Variants in MYO16 observed in about 807,000 individuals in gnomAD.
MYO16 encodes myosin XVI, also known as unconventional myosin-XVI.
MYO16 carries 94 observed loss-of-function variants against 205.3 expected under a neutral mutation model. The ratio of observed to expected loss-of-function variants is 0.46; its 90% confidence interval spans 0.39 to 0.54. The LOEUF (loss-of-function observed/expected upper bound fraction) is 0.54, where lower values mean the gene tolerates loss of function less well. Among genes scored for constraint, MYO16 ranks in the 20% least tolerant of loss-of-function variants. The pLI, the probability that MYO16 is intolerant of heterozygous loss-of-function variation, is 0.00. For synonymous variants in MYO16, 988 were observed against 954.0 expected (o/e 1.04, Z -0.66); for missense variants, 2,315 against 2,387.5 (o/e 0.97, Z 0.63).
intron 4 of MYO16, among the ~76,000 whole-genome samples, chr13:108,765,171 T>G (rs1044727590): frequency 7.9e-5 from 12 of 152,192 alleles, no homozygotes; most frequent in African/African-American, 2.9e-4. Flanking sequence ...TATCCTTTCA[T>G]ATGCATTTTC....
intron 13 of MYO16, among the ~76,000 whole-genome samples, chr13:108,884,919 CAG>C (rs1386833361): frequency 6.6e-6 from 1 of 151,946 alleles, no homozygotes; most frequent in Admixed American, 6.5e-5. Flanking sequence ...GGCACTGAGA[CAG>C]GGGCTCTCAC....
the MYO16 span, among the ~76,000 whole-genome samples, chr13:108,544,832 A>T: frequency 6.6e-6 from 1 of 152,094 alleles, no homozygotes; most frequent in Non-Finnish European, 1.5e-5. Context: ...TTTCACAGTT[A>T]AGAGAGAACA....
At chr13:108,819,958 C>A (rs568403330) in intron 7 of MYO16, among the ~76,000 whole-genome samples, 10 of 152,088 alleles carry the variant, frequency 6.6e-5, no homozygotes, top group Admixed American at 3.9e-4. Flanking sequence ...TTGCCTTTCA[C>A]GTTTTAAAGT....
intron 4 of MYO16, among the ~76,000 whole-genome samples, chr13:108,728,575 C>T (rs1485994866): frequency 6.6e-6 from 1 of 152,118 alleles, no homozygotes; most frequent in Non-Finnish European, 1.5e-5. Flanking sequence ...TTACAGTGAC[C>T]CCTGCAGTCC....
intron 7 of MYO16, among the ~76,000 whole-genome samples, chr13:108,818,836 A>G (rs78524482): frequency 0.01 from 1,545 of 152,328 alleles, 16 homozygotes; most frequent in Non-Finnish European, 0.014. Context: ...AAAAAGCATA[A>G]TATAAAATCA....
chr13:108,505,182 G>T, the MYO16 span, among the ~76,000 whole-genome samples: 1 of 152,272 alleles, frequency 6.6e-6, no homozygotes, highest in South Asian at 2.1e-4. Flanking sequence ...AAAGAAGTAG[G>T]ATTCCTGGAT....
In MYO16 at chr13:109,140,971, G is replaced by A. The variant is rs757516424; in HGVS notation, c.4759G>A (p.Gly1587Ser). The change falls in exon 32 of 35, where the codon GGC becomes AGC. Residue 1587 changes from glycine (G) to serine (S), a missense_variant. By Grantham distance (56) the Gly-to-Ser change is moderately conservative. This residue lies in a region of MYO16 where 1,097 missense variants were observed against 1,092.0 expected (regional missense o/e 1.00). Coordinates refer to ENST00000457511, the MANE Select transcript of MYO16 (RefSeq NM_001198950.3). This position sits in a 1 kb window ranked among gnomAD's most constrained non-coding sequence, Gnocchi z 8.0. ...CGGCCTGGCGCTGTTCAACGGGTCC[G>A]GCCGAGCCTCCCCGCCGTCCACGCC... Reference protein sequence around the residue: ...SPGLALFNGSGRASPPSTPPP... With the variant: ...SPGLALFNGSSRASPPSTPPP... 3.5e-6 allele frequency: 5 copies of A among 1,440,682 alleles called. No homozygotes were observed. The highest frequency in any genetic ancestry group is 3.0e-5 in the East Asian group (1 of 33,042). 89.2% of individuals were successfully genotyped at this position (1,440,682 alleles called of 1,614,324 possible).
At chr13:108,984,259 C>A (rs766676519) in intron 20 of MYO16, among the ~76,000 whole-genome samples, 4 of 152,124 alleles carry the variant, frequency 2.6e-5, no homozygotes, top group Non-Finnish European at 2.9e-5. Context: ...ATTTTGAAGC[C>A]TGCAAATCAG....
At chr13:109,117,428 GTATATATATGTA>G (rs1019639795) in intron 28 of MYO16, among the ~76,000 whole-genome samples, 82 of 92,712 alleles carry the variant, frequency 8.8e-4, no homozygotes, top group East Asian at 2.3e-3. Context: ...ATGTATATGT[GTATATATATGTA>G]TATATATGTA....
At chr13:109,093,749 G>A (rs186901055) in intron 27 of MYO16, among the ~76,000 whole-genome samples, 4 of 152,162 alleles carry the variant, frequency 2.6e-5, no homozygotes, top group South Asian at 2.1e-4. Flanking sequence ...TACCTCTTCC[G>A]TCGCCATTGC....
chr13:108,699,642 A>G (rs535437847), intron 2 of MYO16, among the ~76,000 whole-genome samples: 4 of 152,174 alleles, frequency 2.6e-5, no homozygotes, highest in Middle Eastern at 3.2e-3. Flanking sequence ...TATAGAGTCA[A>G]TGATTTATAT....
chr13:108,898,156 T>C (rs1390260340), intron 15 of MYO16, 23 bp downstream of exon 15: 3 of 1,567,434 alleles, frequency 1.9e-6, no homozygotes, highest in Non-Finnish European at 2.6e-6. Context: ...TTTGACAACG[T>C]GGATTTCCTG....
At chr13:108,873,671 G>A (rs1879183385) in intron 12 of MYO16, among the ~76,000 whole-genome samples, 2 of 129,250 alleles carry the variant, frequency 1.5e-5, no homozygotes, top group African/African-American at 5.6e-5. Context: ...AACCAGGACA[G>A]GGTCCATGCC....
intron 23 of MYO16, among the ~76,000 whole-genome samples, chr13:109,034,655 G>T (rs1293482190): frequency 6.6e-6 from 1 of 152,096 alleles, no homozygotes; most frequent in Non-Finnish European, 1.5e-5. Context: ...ATTTTTAAAA[G>T]GTTAGTCCCT....
At chr13:108,943,484 G>A (rs1447459905) in intron 16 of MYO16, among the ~76,000 whole-genome samples, 1 of 151,708 alleles carries the variant, frequency 6.6e-6, no homozygotes, top group Non-Finnish European at 1.5e-5. Flanking sequence ...TTGAGACGGA[G>A]TCTCACTTTG....
At chr13:109,090,572 G>A (rs1030086438) in intron 27 of MYO16, among the ~76,000 whole-genome samples, 1 of 152,186 alleles carries the variant, frequency 6.6e-6, no homozygotes, top group Non-Finnish European at 1.5e-5. Context: ...ATGGTGAAAG[G>A]GGGCCCTGCC....
chr13:108,647,451 T>G (rs765456033), intron 1 of MYO16, among the ~76,000 whole-genome samples: 2 of 152,206 alleles, frequency 1.3e-5, no homozygotes, highest in African/African-American at 2.4e-5. Flanking sequence ...TTTTACTCTC[T>G]CAGAAATGTG....
At chr13:108,816,087 T>C (rs767652010) in intron 7 of MYO16, among the ~76,000 whole-genome samples, 6 of 152,216 alleles carry the variant, frequency 3.9e-5, no homozygotes, top group African/African-American at 1.4e-4. Flanking sequence ...GAAAAACAAA[T>C]GGTGCTGGAC....
intron 21 of MYO16, among the ~76,000 whole-genome samples, chr13:108,998,105 G>A (rs1215856886): frequency 6.6e-6 from 1 of 152,134 alleles, no homozygotes; most frequent in Non-Finnish European, 1.5e-5. Flanking sequence ...ATATTTTAAT[G>A]CCCTTCATTG....
Sources: gnomAD v4.1 joint callset for allele counts (sites outside exome capture counted in the v4.1 genomes callset) on GRCh38, gnomAD v4.1.1 for gene constraint, gnomAD v4.1.1 regional missense constraint, Gnocchi (gnomAD v3.1) non-coding constraint, MANE v1.5 for transcripts, NCBI Gene and HGNC (gene_info 2026-07-23, HGNC 2026-07-21) for gene names.